MTRR: variants seen among roughly 807,000 people sequenced by gnomAD.
MTRR encodes the protein 5-methyltetrahydrofolate-homocysteine methyltransferase reductase, also known as methionine synthase reductase.
In MTRR, 63 loss-of-function variants were observed where a neutral mutation model predicts 79.2. The ratio of observed to expected loss-of-function variants is 0.80; its 90% confidence interval spans 0.65 to 0.98. MTRR has a LOEUF of 0.98. MTRR is among the 50% of genes least tolerant of loss of function. MTRR has a pLI of 0.00. For missense variants in MTRR, 895 were observed against 839.6 expected (o/e 1.07, Z -0.82); for synonymous variants, 355 against 313.3 (o/e 1.13, Z -1.41).
chr5:7,900,406 AGACT>A lies in MTRR; in HGVS notation c.*355_*358del, dbSNP rs1739292379. The A allele has an allele frequency of 7.5e-6, 2 of 267,028 alleles. No homozygotes were observed. The highest frequency in any genetic ancestry group is 1.8e-4 in the East Asian group (2 of 11,184). The allele number at this position is 267,028 out of a possible 1,614,324, so 16.5% of individuals were successfully genotyped here. On this transcript the variant is annotated 3_prime_UTR_variant, in exon 15 of 15. Transcript: ENST00000440940. ...CATGCAAAGGCTTCCTGAAATAGGG[AGACT>A]GACTGAGTAGCTCATTCTTGTGACT...
At chr5:7,898,456 A>T (rs375729309) in intron 14 of MTRR, among the ~76,000 whole-genome samples, 1 of 152,140 alleles carries the variant, frequency 6.6e-6, no homozygotes, top group Admixed American at 6.5e-5. Flanking sequence ...TGTGAAATGC[A>T]CTTGGAAGCA....
At chr5:7,866,563 A>G, upstream of MTRR, 4 of 1,027,356 alleles carry the variant, frequency 3.9e-6, no homozygotes, top group Non-Finnish European at 5.8e-6. Flanking sequence ...TAAAGGCAAC[A>G]TATTGCCTTT....
chr5:7,850,966 G>GGCCTGGC, upstream of MTRR: 1 of 1,323,122 alleles, frequency 7.6e-7, no homozygotes, highest in Non-Finnish European at 9.7e-7. Context: ...GACGGGCGGC[G>GGCCTGGC]GCCTGGGCTT....
At chr5:7,860,834 C>T (rs1186779772) in intron 1 of MTRR, among the ~76,000 whole-genome samples, 2 of 152,176 alleles carry the variant, frequency 1.3e-5, no homozygotes, top group African/African-American at 2.4e-5. Context: ...TAAGCTCAAC[C>T]AATCAGAAGC....
intron 2 of MTRR, among the ~76,000 whole-genome samples, chr5:7,872,801 G>A (rs1748211849): frequency 6.6e-6 from 1 of 152,002 alleles, no homozygotes; most frequent in South Asian, 2.1e-4. Flanking sequence ...TTATTTCTGA[G>A]TCTCCCCATC....
In MTRR at chr5:7,854,366, AT is replaced by A. The variant is rs968083604; in HGVS notation, n.391+2788del. On this transcript the variant is annotated intron_variant and non_coding_transcript_variant, in intron 1 of 3. Coordinates refer to the MTRR transcript ENST00000502509. The stretch of plus-strand genomic sequence containing the variant: ...CTATGTAAAGATATATATTATATAT[AT>A]TTTTTTATATGGGAGTTTATTAAGG... Among the ~76,000 whole-genome samples, 328 of 151,466 alleles carry A rather than the reference AT, an allele frequency of 2.2e-3. 2 individuals carry two copies. The highest frequency in any genetic ancestry group is 7.5e-3 in the African/African-American group (311 of 41,300).
At chr5:7,877,451 G>T (rs1471258698) in intron 4 of MTRR, among the ~76,000 whole-genome samples, 1 of 147,900 alleles carries the variant, frequency 6.8e-6, no homozygotes, top group African/African-American at 2.5e-5. Context: ...TGATTTCTTG[G>T]TGATATTTTA....
In MTRR at chr5:7,878,047, G is replaced by A. The variant is rs147742177; in HGVS notation, c.505G>A (p.Val169Met). 5.8e-4 allele frequency: 933 copies of A among 1,613,790 alleles called. No individual in the cohort carries two copies. The highest frequency in any genetic ancestry group is 7.7e-4 in the Non-Finnish European group (910 of 1,180,002). The change falls in exon 5 of 15, where the codon GTG becomes ATG. Residue 169 changes from valine to methionine, a missense_variant. Physicochemically the swap from Val to Met is conservative, Grantham distance 21. Coordinates refer to ENST00000440940, the MANE Select transcript of MTRR (RefSeq NM_002454.3). ...GQEEISGALP[V>M]ASPASSRTDL... Reference sequence around the variant, plus strand: ...AGAGGAGATAAGTGGCGCACTCCCGGTGGCATCACCTGCATCCTCGAGGAC... The same window carrying A: ...AGAGGAGATAAGTGGCGCACTCCCGATGGCATCACCTGCATCCTCGAGGAC...
rs1739391049 is a variant in MTRR, at chr5:7,901,043, C to T, written c.*985C>T. The T allele has an allele frequency of 1.3e-5, 2 of 151,994 alleles. No individual in the cohort carries two copies. Among genetic ancestry groups the T allele is most frequent in the South Asian group, 2.1e-4 (1 of 4,832 alleles). 9.4% of individuals were successfully genotyped at this position (151,994 alleles called of 1,614,324 possible). On this transcript the variant is annotated 3_prime_UTR_variant, in exon 15 of 15. Coordinates refer to ENST00000440940, the MANE Select transcript of MTRR (RefSeq NM_002454.3). ...TATATATTGTATTTTTATTTGATAGCTTGGGATTTAAAACATCTCTGTTGA... is the reference window on the plus strand; with the variant it reads ...TATATATTGTATTTTTATTTGATAGTTTGGGATTTAAAACATCTCTGTTGA...
intron 1 of MTRR, among the ~76,000 whole-genome samples, chr5:7,858,027 T>G (rs550387305): frequency 9.2e-5 from 14 of 152,300 alleles, no homozygotes; most frequent in African/African-American, 3.1e-4. Flanking sequence ...TTTAATTGGT[T>G]AAGTCCCTTT....
At chr5:7,867,525 G>T (rs1747072571), upstream of MTRR, 1 of 1,614,268 alleles carries the variant, frequency 6.2e-7, no homozygotes, top group East Asian at 2.2e-5. Context: ...ACATGCAACA[G>T]AATCAGAGCT....
chr5:7,874,822 C>T (rs1012689245), intron 3 of MTRR, among the ~76,000 whole-genome samples: 7 of 152,102 alleles, frequency 4.6e-5, no homozygotes, highest in Non-Finnish European at 1.0e-4. Context: ...ACTTGACTGT[C>T]TTTTAATAAA....
Position 7,895,834 on chromosome 5 carries a change from T to C in MTRR, c.1658T>C (p.Ile553Thr). 6.2e-7 allele frequency: 1 copy of C among 1,614,148 alleles called. No individual in the cohort carries two copies. The highest frequency in any genetic ancestry group is 8.5e-7 in the Non-Finnish European group (1 of 1,179,994). Residue 553 changes from isoleucine to threonine, a missense_variant, in exon 12 of 15, where the codon ATT (isoleucine) becomes ACT (threonine). Physicochemically the swap from Ile to Thr is moderately conservative, Grantham distance 89. Transcript: ENST00000440940. ...CCAGGAACCGGCATAGCCCCGTTTATTGGGTTCCTACAACATAGGTATGTT... is the reference window on the plus strand; with the variant it reads ...CCAGGAACCGGCATAGCCCCGTTTACTGGGTTCCTACAACATAGGTATGTT... ...VGPGTGIAPF[I>T]GFLQHREKLQ...
chr5:7,876,922 G>C (rs977886528), intron 4 of MTRR, among the ~76,000 whole-genome samples: 7 of 152,196 alleles, frequency 4.6e-5, no homozygotes, highest in African/African-American at 1.7e-4. Context: ...AGTTGTGAGA[G>C]TGATATTTTA....
At chr5:7,896,714 A>G (rs777786787) in intron 12 of MTRR, 150 bp from the exon 13 acceptor site, 1 of 703,274 alleles carries the variant, frequency 1.4e-6, no homozygotes, top group East Asian at 2.7e-5. Context: ...GCCTGTGGAG[A>G]GTAAAATGCT....
intron 14 of MTRR, among the ~76,000 whole-genome samples, chr5:7,897,477 T>C (rs576621404): frequency 6.6e-6 from 1 of 152,240 alleles, no homozygotes; most frequent in Non-Finnish European, 1.5e-5. Flanking sequence ...TTGTACATTC[T>C]TGGTACCATT....
At chr5:7,862,897 A>G (rs1228757649) in intron 2 of MTRR, 4 of 1,614,114 alleles carry the variant, frequency 2.5e-6, no homozygotes, top group Admixed American at 3.3e-5. Context: ...AGTCAGCCCA[A>G]TCTTCACATA....
At chr5:7,871,081 T>C (rs1747904424) in intron 2 of MTRR, among the ~76,000 whole-genome samples, 158 bp downstream of exon 2, 1 of 152,230 alleles carries the variant, frequency 6.6e-6, no homozygotes. Context: ...ATCACCAGCA[T>C]TTTTTTAATA....
At chr5:7,891,288 AAT>A in intron 9 of MTRR, 82 bp from the exon 10 acceptor site, 1 of 673,654 alleles carries the variant, frequency 1.5e-6, no homozygotes, top group Non-Finnish European at 2.4e-6. Flanking sequence ...TAAGACATGG[AAT>A]TTTTTTTTTT....
Sources: allele counts gnomAD v4.1 joint callset (sites outside exome capture counted in the v4.1 genomes callset), GRCh38; gene constraint gnomAD v4.1.1; transcripts MANE v1.5; gene names NCBI Gene and HGNC (gene_info 2026-07-23, HGNC 2026-07-21).